TERB1: variants seen among roughly 807,000 people sequenced by gnomAD.
TERB1 encodes the protein telomere repeat binding bouquet formation protein 1.
In TERB1, 63 loss-of-function variants were observed where a neutral mutation model predicts 92.3. That is an observed-to-expected ratio of 0.68 (90% CI 0.56 to 0.84). TERB1 has a LOEUF of 0.84. Ranked by LOEUF, TERB1 falls within the 40% of genes least tolerant of loss-of-function variation. The pLI is 0.00. For missense variants in TERB1, 709 were observed against 843.7 expected (o/e 0.84, Z 1.98); for synonymous variants, 252 against 283.9 (o/e 0.89, Z 1.13).
chr16:66,764,876 T>C (rs766707222), intron 16 of TERB1, among the ~76,000 whole-genome samples: 1 of 152,166 alleles, frequency 6.6e-6, no homozygotes, highest in Non-Finnish European at 1.5e-5. Context: ...CAAGAAGATA[T>C]TGAAGTGGGT....
At chr16:66,760,910 G>A (rs2018231298) in intron 16 of TERB1, among the ~76,000 whole-genome samples, 1 of 142,694 alleles carries the variant, frequency 7.0e-6, no homozygotes, top group African/African-American at 2.6e-5. Flanking sequence ...TCAGGAGTTC[G>A]AGACCAGCCT....
chr16:66,790,456 A>C (rs1172640863), intron 5 of TERB1, 139 bp downstream of exon 5: 1 of 555,368 alleles, frequency 1.8e-6, no homozygotes, highest in East Asian at 3.2e-5. Context: ...AAAGGAAGGG[A>C]GGGGGGAAGG....
chr16:66,756,442 C>T (rs1034387918), intron 18 of TERB1, among the ~76,000 whole-genome samples: 3 of 152,104 alleles, frequency 2.0e-5, no homozygotes, highest in Non-Finnish European at 4.4e-5. Flanking sequence ...CCATTGTATC[C>T]CCAGTGCTTA....
chr16:66,766,238 A>T (rs2018344956), intron 16 of TERB1, among the ~76,000 whole-genome samples: 1 of 152,158 alleles, frequency 6.6e-6, no homozygotes, highest in Non-Finnish European at 1.5e-5. Flanking sequence ...TAATGAATAG[A>T]ATGGAAGTGA....
intron 12 of TERB1, among the ~76,000 whole-genome samples, chr16:66,774,187 T>TG (rs2145144040): frequency 9.1e-5 from 2 of 22,086 alleles, no homozygotes; most frequent in Admixed American, 1.1e-3. Flanking sequence ...AGCCCAAACG[T>TG]TTTTTTTTTT....
At chr16:66,775,643 A>AAACAAAAACAAAACAAAAC (rs2018534675) in intron 11 of TERB1, among the ~76,000 whole-genome samples, 1 of 152,160 alleles carries the variant, frequency 6.6e-6, no homozygotes, top group Non-Finnish European at 1.5e-5. Flanking sequence ...CAAAAAACAA[A>AAACAAAAACAAAACAAAAC]AACAAAAACA....
At chr16:66,776,082 C>A (rs2018543196) in intron 11 of TERB1, among the ~76,000 whole-genome samples, 2 of 151,926 alleles carry the variant, frequency 1.3e-5, no homozygotes, top group South Asian at 2.1e-4. Flanking sequence ...GTAGTCCCAG[C>A]ACTTTGGGAG....
chr16:66,766,097 T>C (rs938737807), intron 16 of TERB1, among the ~76,000 whole-genome samples: 2 of 147,242 alleles, frequency 1.4e-5, no homozygotes, highest in African/African-American at 5.0e-5. Context: ...GGTCTCGATC[T>C]CCTGACCTCA....
At chr16:66,766,186 A>G (rs1053870534) in intron 16 of TERB1, among the ~76,000 whole-genome samples, 4 of 152,070 alleles carry the variant, frequency 2.6e-5, no homozygotes, top group African/African-American at 9.7e-5. Context: ...TTTTTTTAAG[A>G]TGAGGAAAAA....
At chr16:66,759,348 C>T in intron 16 of TERB1, 58 bp from the exon 17 acceptor site, 1 of 1,319,384 alleles carries the variant, frequency 7.6e-7, no homozygotes, top group East Asian at 2.6e-5. Flanking sequence ...AGTAACAAAT[C>T]TATGATAGCA....
At chr16:66,796,545 C>T (rs542516592) in intron 3 of TERB1, among the ~76,000 whole-genome samples, 183 of 152,330 alleles carry the variant, frequency 1.2e-3, no homozygotes, top group African/African-American at 4.2e-3. Flanking sequence ...TATACACTGA[C>T]ATTAAATCAA....
At chr16:66,757,953 A>G (rs2018164707) in intron 18 of TERB1, among the ~76,000 whole-genome samples, 1 of 152,176 alleles carries the variant, frequency 6.6e-6, no homozygotes, top group African/African-American at 2.4e-5. Context: ...AGTTTATACT[A>G]TTTGTCTCTT....
At position 66,786,245 on chromosome 16, in the gene TERB1, T is replaced by C. The variant is rs531127447; in HGVS notation, c.441A>G (p.Thr147=). Residue 147 remains threonine, a synonymous_variant, in exon 7 of 19, where the codon ACA becomes ACG. Coordinates refer to ENST00000433154, the MANE Select transcript of TERB1 (RefSeq NM_001136505.2). ...QTLVRETGCI[T]VLSRLFRTVI... ...TTTACCTGAATAACCGTGACAGAACTGTAATACAACCTGTTTCTCTCACAA... is the reference window on the plus strand; with the variant it reads ...TTTACCTGAATAACCGTGACAGAACCGTAATACAACCTGTTTCTCTCACAA... The C allele has an allele frequency of 6.6e-5, 103 of 1,549,796 alleles. No individual in the cohort carries two copies. Among genetic ancestry groups the C allele is most frequent in the Non-Finnish European group, 8.6e-5 (99 of 1,146,114 alleles).
intron 9 of TERB1, among the ~76,000 whole-genome samples, chr16:66,782,784 A>G (rs968137549): frequency 6.6e-6 from 1 of 152,144 alleles, no homozygotes; most frequent in African/African-American, 2.4e-5. Context: ...GAGTCTAGAG[A>G]TGAATTTGAA....
intron 12 of TERB1, among the ~76,000 whole-genome samples, chr16:66,774,904 C>T (rs1225894268): frequency 6.6e-6 from 1 of 151,614 alleles, no homozygotes; most frequent in Non-Finnish European, 1.5e-5. Context: ...TCTATGTTGC[C>T]CAGGCTGGTC....
intron 4 of TERB1, 78 bp downstream of exon 4, chr16:66,790,831 T>C: frequency 7.1e-7 from 1 of 1,404,680 alleles, no homozygotes; most frequent in South Asian, 1.3e-5. Flanking sequence ...GAATGGAAGA[T>C]AAAGAACTAT....
intron 6 of TERB1, among the ~76,000 whole-genome samples, chr16:66,787,841 G>A (rs1434282472): frequency 6.6e-6 from 1 of 152,198 alleles, no homozygotes; most frequent in Non-Finnish European, 1.5e-5. Flanking sequence ...GCTCACGCCT[G>A]TAATCCCAGC....
At chr16:66,782,823 T>C (rs1215803085) in intron 9 of TERB1, among the ~76,000 whole-genome samples, 1 of 152,178 alleles carries the variant, frequency 6.6e-6, no homozygotes. Flanking sequence ...TTGAGTCTTA[T>C]AATCCAGAGT....
intron 8 of TERB1, 51 bp from the exon 9 acceptor site, chr16:66,785,959 C>A: frequency 6.5e-7 from 1 of 1,526,976 alleles, no homozygotes; most frequent in Non-Finnish European, 8.8e-7. Context: ...TGGAAAATAT[C>A]AGTTTTCATT....
Sources: gnomAD v4.1 joint callset for allele counts (sites outside exome capture counted in the v4.1 genomes callset) on GRCh38, gnomAD v4.1.1 for gene constraint, MANE v1.5 for transcripts, NCBI Gene and HGNC (gene_info 2026-07-23, HGNC 2026-07-21) for gene names.